CPS1: variants seen among roughly 807,000 people sequenced by gnomAD.
The protein encoded by CPS1 is carbamoyl-phosphate synthase [ammonia], mitochondrial.
In CPS1, 109 loss-of-function variants were observed where a neutral mutation model predicts 174.6. The observed-to-expected ratio is 0.62, with a 90% CI of 0.53 to 0.73. CPS1 has a LOEUF of 0.73. CPS1 is among the 30% of genes least tolerant of loss of function. The probability of loss-of-function intolerance (pLI) is 0.00; values close to 1 mark genes in which losing one functional copy is unlikely to be tolerated. For missense variants in CPS1, 1,689 were observed against 1,821.9 expected, an observed-to-expected ratio of 0.93 and a Z score of 1.33; for synonymous variants, 637 against 632.0, an observed-to-expected ratio of 1.01 and a Z score of -0.12.
intron 2 of CPS1, among the ~76,000 whole-genome samples, chr2:210,575,976 A>G (rs1272898332): frequency 1.3e-5 from 2 of 152,114 alleles, no homozygotes; most frequent in Admixed American, 6.6e-5. Flanking sequence ...TTTGGGCTCA[A>G]TGATATCTGG....
At chr2:210,517,021 T>C (rs1444396875) in intron 1 of CPS1, among the ~76,000 whole-genome samples, 1 of 151,986 alleles carries the variant, frequency 6.6e-6, no homozygotes, top group Non-Finnish European at 1.5e-5. Context: ...AATATATGTC[T>C]ATTGGTGCTG....
intron 1 of CPS1, among the ~76,000 whole-genome samples, chr2:210,502,374 TATATA>T (rs200934001): frequency 4.8e-5 from 5 of 105,116 alleles, no homozygotes; most frequent in South Asian, 6.5e-4. Context: ...TCTCTATATA[TATATA>T]TTTTTTTATA....
intron 1 of CPS1, among the ~76,000 whole-genome samples, chr2:210,569,942 G>A (rs182500545): frequency 1.3e-5 from 2 of 152,040 alleles, no homozygotes; most frequent in African/African-American, 4.8e-5. Context: ...CTCTGTCAAC[G>A]AGGACTGAGG....
At position 210,482,543 on chromosome 2, in the gene CPS1, C is replaced by T. The variant is rs181406137; in HGVS notation, c.3+4777C>T. Among the ~76,000 whole-genome samples, 83 of 152,104 alleles carry T rather than the reference C, an allele frequency of 5.5e-4. 2 individuals carry two copies. The East Asian group carries it at 0.01, about 19-fold the overall frequency. On this transcript the variant is annotated intron_variant, in intron 1 of 38. Coordinates refer to the CPS1 transcript ENST00000430249. ...GATCCGCCTGGCCAAGTGATCCGCC[C>T]GCCTCAGCTTCCCAAAGTACTGGAA...
At position 210,490,253 on chromosome 2, in the gene CPS1, T is replaced by A. The variant is rs138208089; in HGVS notation, c.3+12487T>A. Reference sequence around the variant, plus strand: ...AATATTCTGGAAAATTATGGGGAGATATATATGCTTATAGGCTTACCTCTG... The same window carrying A: ...AATATTCTGGAAAATTATGGGGAGAAATATATGCTTATAGGCTTACCTCTG... On this transcript the variant is annotated intron_variant, in intron 1 of 38. Coordinates refer to the CPS1 transcript ENST00000430249. Among the ~76,000 whole-genome samples the A allele has an allele frequency of 1.4e-4, 21 of 152,224 alleles. 1 individual carries two copies. In the East Asian group the frequency reaches 4.1e-3, roughly 29 times the overall value.
chr2:210,530,186 A>G (rs1696081318), intron 1 of CPS1, among the ~76,000 whole-genome samples: 1 of 152,082 alleles, frequency 6.6e-6, no homozygotes, highest in Non-Finnish European at 1.5e-5. Context: ...GATAAAATCC[A>G]TGTACAAATG....
intron 33 of CPS1, 115 bp downstream of exon 33, chr2:210,663,312 C>A: frequency 2.1e-6 from 2 of 951,486 alleles, no homozygotes; most frequent in Non-Finnish European, 3.2e-6. Flanking sequence ...CAGAGTAAGA[C>A]TCAAAGAGCT....
At chr2:210,662,529 T>A (rs1700958319) in intron 32 of CPS1, among the ~76,000 whole-genome samples, 1 of 152,224 alleles carries the variant, frequency 6.6e-6, no homozygotes, top group African/African-American at 2.4e-5. Context: ...TTTCATGAAT[T>A]GCATCAGTAA....
At chr2:210,523,271 G>A (rs1695876204) in intron 1 of CPS1, among the ~76,000 whole-genome samples, 1 of 152,084 alleles carries the variant, frequency 6.6e-6, no homozygotes, top group African/African-American at 2.4e-5. Flanking sequence ...TTAGGACAGA[G>A]TGAGTAGTTT....
In CPS1 at chr2:210,660,670, A is replaced by G. The variant is rs1700889266; in HGVS notation, c.3927+15A>G. 6.2e-7 allele frequency: 1 copy of G among 1,609,726 alleles called. No individual in the cohort carries two copies. Among genetic ancestry groups the G allele is most frequent in the East Asian group, 2.2e-5 (1 of 44,834 alleles). ...TTGCAATTAAGGTAACATTTTCAAA[A>G]ATTTATTAGTCATTTTATGAGTTCT... On this transcript the variant is annotated intron_variant, in intron 32 of 37. Transcript: ENST00000233072.
intron 34 of CPS1, chr2:210,672,459 G>A (rs949493617): frequency 2.6e-5 from 4 of 152,010 alleles, no homozygotes; most frequent in Admixed American, 2.0e-4. Flanking sequence ...AACAACATTT[G>A]GAAGTTCATT....
At chr2:210,589,416 C>A (rs1157555566) in intron 7 of CPS1, among the ~76,000 whole-genome samples, 5 of 151,850 alleles carry the variant, frequency 3.3e-5, no homozygotes, top group South Asian at 4.2e-4. Context: ...AATGAGAAAA[C>A]CCTAGGAAAG....
At chr2:210,610,582 C>T (rs1436030634) in intron 19 of CPS1, among the ~76,000 whole-genome samples, 1 of 151,500 alleles carries the variant, frequency 6.6e-6, no homozygotes, top group Non-Finnish European at 1.5e-5. Flanking sequence ...TTGAGGAAGC[C>T]CATTATAGTC....
intron 5 of CPS1, 84 bp from the exon 6 acceptor site, chr2:210,582,533 G>C (rs1697956780): frequency 1.1e-6 from 1 of 939,054 alleles, no homozygotes; most frequent in African/African-American, 1.6e-5. Context: ...TCTTGCAGCA[G>C]CTGTTTAAAG....
chr2:210,675,893 A>G, intron 36 of CPS1, 53 bp downstream of exon 36: 1 of 871,018 alleles, frequency 1.1e-6, no homozygotes, highest in Non-Finnish European at 2.0e-6. Flanking sequence ...TAACTTTGAG[A>G]ACCAGTATAT....
At chr2:210,639,105 A>G (rs1700127602) in intron 22 of CPS1, 45 bp from the exon 23 acceptor site, 1 of 1,511,096 alleles carries the variant, frequency 6.6e-7, no homozygotes, top group Admixed American at 1.7e-5. Flanking sequence ...TGAAAAAATT[A>G]TAATAACATT....
intron 21 of CPS1, chr2:210,631,105 A>T (rs1391148631): frequency 6.6e-6 from 1 of 151,078 alleles, no homozygotes; most frequent in African/African-American, 2.4e-5. Context: ...TCATTTTCAC[A>T]TTAGAGCTTG....
intron 1 of CPS1, among the ~76,000 whole-genome samples, chr2:210,502,527 A>G (rs1037494654): frequency 6.7e-6 from 1 of 149,332 alleles, no homozygotes; most frequent in Non-Finnish European, 1.5e-5. Flanking sequence ...ATATATACAC[A>G]CATATATACA....
At chr2:210,605,477 G>T (rs1294965075) in intron 17 of CPS1, among the ~76,000 whole-genome samples, 1 of 151,856 alleles carries the variant, frequency 6.6e-6, no homozygotes, top group Non-Finnish European at 1.5e-5. Flanking sequence ...GTTAATTGAG[G>T]AAGAGCCAAA....
Sources: allele counts gnomAD v4.1 joint callset (sites outside exome capture counted in the v4.1 genomes callset), GRCh38; gene constraint gnomAD v4.1.1; transcripts MANE v1.5; gene names NCBI Gene and HGNC (gene_info 2026-07-23, HGNC 2026-07-21).